Variants in MED14 observed in about 807,000 individuals in gnomAD.
MED14 encodes mediator complex subunit 14.
Under a neutral mutation model 109.0 loss-of-function variants are expected in MED14, and 8 were observed. The observed-to-expected ratio is 0.07, with a 90% CI of 0.04 to 0.13. The LOEUF is 0.13. Among genes scored for constraint, MED14 ranks in the 10% least tolerant of loss-of-function variants. The pLI is 1.00. For synonymous variants in MED14, 399 were observed against 408.7 expected, an observed-to-expected ratio of 0.98 and a Z score of 0.29; for missense variants, 711 against 1,142.4, an observed-to-expected ratio of 0.62 and a Z score of 5.44.
chrX:40,682,031 T>C, intron 18 of MED14, 88 bp from the exon 19 acceptor site: 1 of 425,464 alleles, frequency 2.4e-6, no homozygotes, highest in African/African-American at 2.6e-5. Context: ...TTTGGCAATA[T>C]TATATGCCCA....
At position 40,692,252 on chromosome X, in the gene MED14, G is replaced by C; in HGVS notation, c.1911C>G (p.Phe637Leu). ...KTKRAGEMCA[F>L]NKVLAHFVAM... ...CGACGAAGTGGGCTAAAACTTTATT[G>C]AAGGCACACATTTCTCCTGCTCGTT... Residue 637 changes from phenylalanine (F) to leucine (L), a missense_variant, in exon 15 of 31, where the codon TTC becomes TTG. Around this residue, in one of 8 missense-constraint regions of MED14, gnomAD observed 388 missense variants for 517.3 expected, o/e 0.75. Transcript: ENST00000324817. 8.3e-7 allele frequency: 1 copy of C among 1,199,951 alleles called. No individual in the cohort carries two copies. Among genetic ancestry groups the C allele is most frequent in the Non-Finnish European group, 1.1e-6 (1 of 885,842 alleles).
Position 40,713,048 on chromosome X carries a change from AGAAGAAAAAGAT to A in MED14, c.653-18_653-7del. On this transcript the variant is annotated splice_polypyrimidine_tract_variant and splice_region_variant and intron_variant, in intron 5 of 30. Transcript: ENST00000324817. ...AAACTTCACCCGGCCATTTGCTTTTAGAAGAAAAAGATGAAGAAAAAGAAGTGTACTTTGCTA... is the reference window on the plus strand; with the variant it reads ...AAACTTCACCCGGCCATTTGCTTTTAGAAGAAAAAGAAGTGTACTTTGCTA... The A allele has an allele frequency of 8.6e-7, 1 of 1,157,396 alleles. No homozygotes were observed. Among genetic ancestry groups the A allele is most frequent in the Non-Finnish European group, 1.2e-6 (1 of 863,243 alleles).
intron 10 of MED14, among the ~76,000 whole-genome samples, chrX:40,704,091 A>G (rs1188288076): frequency 1.8e-5 from 2 of 112,141 alleles, no homozygotes; most frequent in Non-Finnish European, 3.8e-5. Context: ...CCCAGGAAGA[A>G]AAATTTTTTT....
chrX:40,723,317 A>T (rs181473624), intron 3 of MED14, among the ~76,000 whole-genome samples: 2 of 112,050 alleles, frequency 1.8e-5, no homozygotes, highest in East Asian at 5.6e-4. Context: ...TCATCAGTTT[A>T]AAATAATGGG....
intron 3 of MED14, among the ~76,000 whole-genome samples, chrX:40,720,316 C>T (rs1931668298): frequency 8.9e-6 from 1 of 111,885 alleles, no homozygotes; most frequent in African/African-American, 3.3e-5. Context: ...TGACACCACC[C>T]CTCCCCTGCC....
chrX:40,697,198 G>A lies in MED14; in HGVS notation c.1491-15C>T. 1.8e-6 allele frequency: 2 copies of A among 1,112,242 alleles called. No individual in the cohort carries two copies. The highest frequency in any genetic ancestry group is 2.3e-5 in the Admixed American group (1 of 44,268). 91.7% of individuals were successfully genotyped at this position (1,112,242 alleles called of 1,213,427 possible). On this transcript the variant is annotated splice_polypyrimidine_tract_variant and intron_variant, in intron 12 of 30. Coordinates refer to ENST00000324817, the MANE Select transcript of MED14 (RefSeq NM_004229.4). ...CAAGCCAAAACCTGAATTTAAAAGT[G>A]ATAATCCACATCAAATCTCAGACTT...
chrX:40,730,281 A>C (rs1932031196), intron 1 of MED14, among the ~76,000 whole-genome samples: 1 of 112,231 alleles, frequency 8.9e-6, no homozygotes. Context: ...ATGGAAGTTA[A>C]AGTTATGGTC....
chrX:40,685,950 C>A (rs1304664145), intron 16 of MED14, among the ~76,000 whole-genome samples: 2 of 111,711 alleles, frequency 1.8e-5, no homozygotes, highest in Non-Finnish European at 3.8e-5. Flanking sequence ...AAGCTTGTTA[C>A]AAGAGTTTCT....
intron 12 of MED14, among the ~76,000 whole-genome samples, chrX:40,699,683 G>T (rs1255977880): frequency 8.9e-6 from 1 of 111,927 alleles, no homozygotes; most frequent in Non-Finnish European, 1.9e-5. Context: ...AGCATGTTAG[G>T]ATATTTAAAC....
At chrX:40,681,619 C>T (rs1234657367) in intron 19 of MED14, among the ~76,000 whole-genome samples, 1 of 111,499 alleles carries the variant, frequency 9.0e-6, no homozygotes, top group Non-Finnish European at 1.9e-5. Flanking sequence ...TTACCTTGTC[C>T]AAATTGCTTC....
Position 40,682,879 on chromosome X carries a change from C to T in MED14, c.2175G>A (p.Val725=). 1 of 1,211,790 alleles carries T rather than the reference C, an allele frequency of 8.3e-7. No individual in the cohort carries two copies. The highest frequency in any genetic ancestry group is 1.1e-6 in the Non-Finnish European group (1 of 895,344). ...RNNRTWVAEL[V]FANCPLNGTS... is the part of the protein sequence containing the mutation. ...TGCCATTAAGTGGACAATTTGCAAA[C>T]ACTAACTCTGCTACCCAAGTGCGGT... The change falls in exon 17 of 31, where the codon GTG becomes GTA. Residue 725 remains valine, a synonymous_variant. Transcript: ENST00000324817.
In MED14 at chrX:40,656,052, A is replaced by G. The variant is rs780930769; in HGVS notation, c.3973-992T>C. 1.2e-4 allele frequency among the ~76,000 whole-genome samples: 13 copies of G among 111,029 alleles called. No homozygotes were observed. The South Asian group carries it at 4.8e-3, about 41-fold the overall frequency. ...CCATACCTCCTCATATTTGACACCA[A>G]AACAAAGTGAGACCCTGTCTCAAAA... On this transcript the variant is annotated intron_variant, in intron 28 of 30. Coordinates refer to ENST00000324817, the MANE Select transcript of MED14 (RefSeq NM_004229.4).
chrX:40,680,165 GT>G, intron 20 of MED14, 32 bp from the exon 21 acceptor site: 1 of 1,186,676 alleles, frequency 8.4e-7, no homozygotes, highest in Non-Finnish European at 1.1e-6. Flanking sequence ...AGAGCAGCCA[GT>G]TTCTGTACAA....
intron 28 of MED14, among the ~76,000 whole-genome samples, chrX:40,658,717 G>C (rs1415766337): frequency 1.4e-5 from 1 of 73,646 alleles, no homozygotes; most frequent in Non-Finnish European, 2.6e-5. Context: ...AAAAAAAAAA[G>C]CCAGGCGCGG....
chrX:40,721,377 G>A (rs910613810), intron 3 of MED14, among the ~76,000 whole-genome samples: 8 of 112,289 alleles, frequency 7.1e-5, no homozygotes, highest in Admixed American at 4.7e-4. Context: ...CCCATGAGCC[G>A]GTGATGGCCA....
intron 2 of MED14, 109 bp from the exon 3 acceptor site, chrX:40,726,960 A>C: frequency 1.6e-6 from 1 of 644,233 alleles, no homozygotes; most frequent in Middle Eastern, 5.0e-4. Context: ...TTTGCTTACA[A>C]CCACTACAAA....
chrX:40,732,062 A>G (rs1054412270), intron 1 of MED14, among the ~76,000 whole-genome samples: 27 of 112,648 alleles, frequency 2.4e-4, no homozygotes, highest in African/African-American at 8.7e-4. Flanking sequence ...GACAGAGTGA[A>G]GGGGCAGAGT....
chrX:40,695,806 C>T (rs1040677471), intron 13 of MED14, among the ~76,000 whole-genome samples: 2 of 112,140 alleles, frequency 1.8e-5, no homozygotes, highest in African/African-American at 6.5e-5. Flanking sequence ...CACTAGTCTA[C>T]ATAAGTATCC....
chrX:40,711,117 A>G (rs368120949), intron 8 of MED14, 52 bp downstream of exon 8: 5 of 1,150,716 alleles, frequency 4.3e-6, no homozygotes, highest in Non-Finnish European at 4.7e-6. Context: ...AAGAGAAATA[A>G]AAAGAGTATT....
Sources: gnomAD v4.1 joint callset for allele counts (sites outside exome capture counted in the v4.1 genomes callset) on GRCh38, gnomAD v4.1.1 for gene constraint, gnomAD v4.1.1 regional missense constraint, MANE v1.5 for transcripts, NCBI Gene and HGNC (gene_info 2026-07-23, HGNC 2026-07-21) for gene names.